The following RIMS2 variants were observed in gnomAD, a reference collection of about 807,000 sequenced individuals.
RIMS2 encodes the protein regulating synaptic membrane exocytosis protein 2.
Under a neutral mutation model 174.4 loss-of-function variants are expected in RIMS2, and 59 were observed. The ratio of observed to expected loss-of-function variants is 0.34; its 90% CI spans 0.27 to 0.42. RIMS2 has a LOEUF of 0.42. Ranked by LOEUF, RIMS2 falls within the 10% of genes least tolerant of loss-of-function variation. The pLI, the probability that RIMS2 is intolerant of heterozygous loss-of-function variation, is 1.00. For synonymous variants in RIMS2, 606 were observed against 572.5 expected, an observed-to-expected ratio of 1.06 and a Z score of -0.84; for missense variants, 1,620 against 1,666.3, an observed-to-expected ratio of 0.97 and a Z score of 0.48.
At chr8:103,521,924 C>G (rs995881803) in intron 1 of RIMS2, among the ~76,000 whole-genome samples, 2 of 151,056 alleles carry the variant, frequency 1.3e-5, no homozygotes, top group Non-Finnish European at 3.0e-5. Context: ...CCTGCTCTAC[C>G]TTGCTTCTCT....
At chr8:104,032,985 A>G (rs1441928537) in intron 19 of RIMS2, among the ~76,000 whole-genome samples, 1 of 151,946 alleles carries the variant, frequency 6.6e-6, no homozygotes, top group Non-Finnish European at 1.5e-5. Context: ...AGCTATTACA[A>G]TTGTAGTAAG....
At chr8:103,579,234 C>G (rs1278072133) in intron 1 of RIMS2, among the ~76,000 whole-genome samples, 4 of 149,640 alleles carry the variant, frequency 2.7e-5, no homozygotes, top group Non-Finnish European at 5.9e-5. Flanking sequence ...CTCTCTCTCT[C>G]TCTCTCCCTC....
chr8:103,510,672 G>A (rs896317725), intron 1 of RIMS2, among the ~76,000 whole-genome samples: 3 of 152,062 alleles, frequency 2.0e-5, no homozygotes, highest in South Asian at 2.1e-4. Flanking sequence ...TTGCGATGCC[G>A]TCTCTCTGAC....
At chr8:103,922,526 A>G (rs958704727) in intron 10 of RIMS2, among the ~76,000 whole-genome samples, 4 of 151,860 alleles carry the variant, frequency 2.6e-5, no homozygotes, top group African/African-American at 9.7e-5. Flanking sequence ...TATATTAGAA[A>G]AATACAGGTT....
At chr8:103,600,282 T>TC (rs200294508) in intron 1 of RIMS2, among the ~76,000 whole-genome samples, 1 of 151,586 alleles carries the variant, frequency 6.6e-6, no homozygotes, top group Non-Finnish European at 1.5e-5. Flanking sequence ...TTTCTTTCTT[T>TC]TTTCTGAGAC....
At chr8:103,966,855 A>T (rs80083800) in intron 15 of RIMS2, among the ~76,000 whole-genome samples, 2 of 151,442 alleles carry the variant, frequency 1.3e-5, no homozygotes, top group African/African-American at 2.4e-5. Flanking sequence ...TTCCCTTGAG[A>T]TTTTTTTCTT....
Position 103,998,044 on chromosome 8 carries a change from C to A in RIMS2, c.3044+8623C>A, listed in dbSNP as rs2095210708. On this transcript the variant is annotated intron_variant, in intron 17 of 23. Coordinates refer to ENST00000504942, the Ensembl canonical transcript of RIMS2. ...TACAGTGAACATTGGGAGGAGGGGG[C>A]AAGCTTTCCAATAACAGTTTCCATG... The A allele has an allele frequency of 6.8e-6, 4 of 589,602 alleles. No individual in the cohort carries two copies. The Admixed American group carries it at 1.0e-4, about 15-fold the overall frequency. The allele number at this position is 589,602 out of a possible 1,614,324, so 36.5% of individuals were successfully genotyped here. A position where few individuals can be genotyped will look rare whatever the true frequency, so the allele number is the denominator to read the frequency against.
intron 4 of RIMS2, among the ~76,000 whole-genome samples, chr8:103,907,474 A>G (rs2074681769): frequency 6.6e-6 from 1 of 152,020 alleles, no homozygotes; most frequent in Non-Finnish European, 1.5e-5. Context: ...TCTTTGTTTT[A>G]GGAAACTCTA....
intron 1 of RIMS2, among the ~76,000 whole-genome samples, chr8:103,611,322 G>A (rs1286745096): frequency 6.6e-6 from 1 of 151,966 alleles, no homozygotes; most frequent in Non-Finnish European, 1.5e-5. Flanking sequence ...TCATCACTTA[G>A]TCTTTCTTCT....
intron 17 of RIMS2, among the ~76,000 whole-genome samples, chr8:104,008,402 AT>A (rs967023911): frequency 6.6e-6 from 1 of 151,528 alleles, no homozygotes. Flanking sequence ...TGTTTCTGTT[AT>A]TTTTTAAATA....
chr8:103,658,510 A>G (rs1210435704), intron 1 of RIMS2, among the ~76,000 whole-genome samples: 6 of 152,130 alleles, frequency 3.9e-5, no homozygotes, highest in Non-Finnish European at 8.8e-5. Context: ...TTGGTTTGTC[A>G]TTTGCTTGAT....
At chr8:103,819,486 A>T in intron 3 of RIMS2, 1 of 1,610,874 alleles carries the variant, frequency 6.2e-7, no homozygotes, top group Non-Finnish European at 8.5e-7. Context: ...AAATAAGAGA[A>T]GGGGAAAAAA....
chr8:103,806,502 G>A (rs764157533), intron 3 of RIMS2, among the ~76,000 whole-genome samples: 1 of 152,004 alleles, frequency 6.6e-6, no homozygotes, highest in Non-Finnish European at 1.5e-5. Flanking sequence ...AAAAAGCCTT[G>A]GATGAAACAG....
chr8:103,858,547 G>C (rs2099040331), intron 3 of RIMS2, among the ~76,000 whole-genome samples: 1 of 151,516 alleles, frequency 6.6e-6, no homozygotes, highest in Non-Finnish European at 1.5e-5. Context: ...ATTTCTCCTA[G>C]CTGAATAGTA....
At chr8:104,193,677 C>A (rs2099009437) in intron 19 of RIMS2, among the ~76,000 whole-genome samples, 1 of 152,160 alleles carries the variant, frequency 6.6e-6, no homozygotes. Flanking sequence ...TTAGTGATGG[C>A]TAGCATGAGT....
chr8:103,854,853 T>C (rs2099018823), intron 3 of RIMS2, among the ~76,000 whole-genome samples: 1 of 152,080 alleles, frequency 6.6e-6, no homozygotes. Context: ...TGTCAGATTT[T>C]GGTATTAGGC....
intron 1 of RIMS2, among the ~76,000 whole-genome samples, chr8:103,555,258 A>G (rs900326331): frequency 5.3e-5 from 8 of 152,224 alleles, no homozygotes; most frequent in African/African-American, 1.9e-4. Context: ...CAATAGGTAT[A>G]TGAAAAAATG....
exon 11 of RIMS2, chr8:103,927,867 C>A: frequency 6.2e-7 from 1 of 1,608,008 alleles, no homozygotes; most frequent in Non-Finnish European, 8.5e-7. Flanking sequence ...AGAAGAACAA[C>A]GCCTTTTGTT....
At chr8:104,248,916 C>CCT (rs757190951) in intron 21 of RIMS2, 103 bp downstream of exon 27, 2 of 542,624 alleles carry the variant, frequency 3.7e-6, no homozygotes, top group East Asian at 5.9e-5. Flanking sequence ...TCTCTCTTTC[C>CCT]CTCTCTCTCT....
Sources: gnomAD v4.1 joint callset for allele counts (sites outside exome capture counted in the v4.1 genomes callset) on GRCh38, gnomAD v4.1.1 for gene constraint, MANE v1.5 for transcripts, NCBI Gene and HGNC (gene_info 2026-07-23, HGNC 2026-07-21) for gene names.